Variants in CAST observed in about 807,000 individuals in gnomAD.
CAST encodes calpastatin, also known as MIR583 host.
A neutral mutation model predicts 119.6 loss-of-function variants in CAST; 76 were observed. That is an observed-to-expected ratio of 0.64 (90% confidence interval 0.53 to 0.77). The LOEUF is 0.77. CAST is among the 30% of genes least tolerant of loss of function. The pLI is 0.00. For synonymous variants in CAST, 319 were observed against 331.6 expected (o/e 0.96, Z 0.41); for missense variants, 953 against 946.5 (o/e 1.01, Z -0.09).
intron 1 of CAST, among the ~76,000 whole-genome samples, chr5:96,556,318 G>A (rs1376705534): frequency 6.6e-6 from 1 of 152,208 alleles, no homozygotes; most frequent in Non-Finnish European, 1.5e-5. Flanking sequence ...CTCCTCCAAA[G>A]GAATGCAGAT....
At chr5:96,349,139 A>ATTTTTTTTTTTTTTT in the CAST span, among the ~76,000 whole-genome samples, 128 of 89,594 alleles carry the variant, frequency 1.4e-3, 9 homozygotes, top group Non-Finnish European at 2.1e-3. Context: ...CAAGGACACT[A>ATTTTTTTTTTTTTTT]TTTTTTTTTT....
At chr5:96,722,958 T>TTTTGC (rs1224249224) in intron 4 of CAST, among the ~76,000 whole-genome samples, 3 of 152,054 alleles carry the variant, frequency 2.0e-5, no homozygotes, top group Admixed American at 6.6e-5. Context: ...TTTTGTTTTG[T>TTTTGC]TTTGAGACAG....
At chr5:96,238,981 A>T in the CAST span, among the ~76,000 whole-genome samples, 1 of 152,180 alleles carries the variant, frequency 6.6e-6, no homozygotes, top group Non-Finnish European at 1.5e-5. Flanking sequence ...TTAAATTTTC[A>T]TAAATTTTTC....
intron 16 of CAST, among the ~76,000 whole-genome samples, chr5:96,745,253 G>C (rs951883888): frequency 6.6e-6 from 1 of 152,200 alleles, no homozygotes; most frequent in Non-Finnish European, 1.5e-5. Context: ...TTTAATGAGA[G>C]CTTCTCTATA....
chr5:96,020,850 C>T, the CAST span, among the ~76,000 whole-genome samples: 2 of 123,824 alleles, frequency 1.6e-5, no homozygotes, highest in Non-Finnish European at 3.3e-5. Context: ...CCCAACCCAT[C>T]TGTGGAAAAA....
chr5:96,230,622 G>A, the CAST span, among the ~76,000 whole-genome samples: 1 of 152,048 alleles, frequency 6.6e-6, no homozygotes, highest in Non-Finnish European at 1.5e-5. Context: ...AAAAACGTAA[G>A]CAATGAAAGT....
the CAST span, among the ~76,000 whole-genome samples, chr5:96,426,475 A>G: frequency 1.3e-5 from 2 of 152,194 alleles, no homozygotes; most frequent in Non-Finnish European, 2.9e-5. Context: ...GCTTAAAAGT[A>G]TTTAATATGA....
chr5:95,995,372 T>G, the CAST span, among the ~76,000 whole-genome samples: 11 of 152,150 alleles, frequency 7.2e-5, no homozygotes, highest in Non-Finnish European at 1.6e-4. Context: ...GTTACCTGCT[T>G]CTTCTATCAA....
At chr5:96,316,601 G>T in the CAST span, among the ~76,000 whole-genome samples, 1 of 152,194 alleles carries the variant, frequency 6.6e-6, no homozygotes, top group Non-Finnish European at 1.5e-5. Flanking sequence ...AGCACCAACA[G>T]CTGAACATGT....
At chr5:96,551,993 A>G (rs997566646) in intron 1 of CAST, among the ~76,000 whole-genome samples, 3 of 152,172 alleles carry the variant, frequency 2.0e-5, no homozygotes, top group Non-Finnish European at 2.9e-5. Context: ...CCCACTGTCA[A>G]TATTAGACAG....
chr5:96,538,687 CAG>C (rs1319962061), intron 1 of CAST, among the ~76,000 whole-genome samples: 1 of 140,908 alleles, frequency 7.1e-6, no homozygotes, highest in Non-Finnish European at 1.6e-5. Flanking sequence ...AAAAAAAAAA[CAG>C]AAAATGTAAC....
At chr5:96,395,043 C>T in the CAST span, 4 of 1,581,606 alleles carry the variant, frequency 2.5e-6, no homozygotes, top group Non-Finnish European at 3.5e-6. Flanking sequence ...ATAAGCATAC[C>T]TACATTTAGT....
chr5:96,753,062 C>T (rs918039717), intron 20 of CAST, among the ~76,000 whole-genome samples: 16 of 151,498 alleles, frequency 1.1e-4, no homozygotes, highest in East Asian at 1.9e-4. Flanking sequence ...GGCATGATCT[C>T]GGCTCACTGC....
the CAST span, among the ~76,000 whole-genome samples, chr5:96,437,628 C>T: frequency 6.6e-6 from 1 of 152,270 alleles, no homozygotes; most frequent in Admixed American, 6.5e-5. Flanking sequence ...AAAGTCTTGT[C>T]CACATACCAG....
the CAST span, among the ~76,000 whole-genome samples, chr5:96,515,677 G>T: frequency 6.6e-6 from 1 of 152,070 alleles, no homozygotes; most frequent in Admixed American, 6.5e-5. Context: ...CTTCTGCCTT[G>T]CAGCAAGGTT....
At chr5:96,336,637 A>G in the CAST span, among the ~76,000 whole-genome samples, 3 of 152,198 alleles carry the variant, frequency 2.0e-5, no homozygotes, top group African/African-American at 7.2e-5. Context: ...GGCATTCTGC[A>G]GTTTCTTGTG....
the CAST span, among the ~76,000 whole-genome samples, chr5:96,261,098 G>A: frequency 2.0e-5 from 3 of 152,110 alleles, no homozygotes; most frequent in Non-Finnish European, 4.4e-5. Context: ...ATAAAGAAAG[G>A]CATGTGTTTT....
At chr5:96,016,462 T>C in the CAST span, among the ~76,000 whole-genome samples, 1 of 152,218 alleles carries the variant, frequency 6.6e-6, no homozygotes, top group African/African-American at 2.4e-5. Flanking sequence ...TGCAAGCTGA[T>C]AAGCATTTTG....
chr5:96,220,417 C>T, the CAST span, among the ~76,000 whole-genome samples: 1 of 151,964 alleles, frequency 6.6e-6, no homozygotes, highest in Admixed American at 6.6e-5. Flanking sequence ...GTTAACATGA[C>T]CATGGTAAAG....
Sources: gnomAD v4.1 joint callset for allele counts (sites outside exome capture counted in the v4.1 genomes callset) on GRCh38, gnomAD v4.1.1 for gene constraint, MANE v1.5 for transcripts, NCBI Gene and HGNC (gene_info 2026-07-23, HGNC 2026-07-21) for gene names.